The following FRMD3 variants were observed in gnomAD, a reference collection of about 807,000 sequenced individuals.
The protein encoded by FRMD3 is FERM domain-containing protein 3.
FRMD3 carries 33 observed loss-of-function variants against 70.2 expected under a neutral mutation model. The ratio of observed to expected loss-of-function variants is 0.47; its 90% CI spans 0.36 to 0.63. The LOEUF (loss-of-function observed/expected upper bound fraction) is 0.63, where lower values mean the gene tolerates loss of function less well. FRMD3 is among the 20% of genes least tolerant of loss of function. FRMD3 has a pLI of 0.00. For synonymous variants in FRMD3, 279 were observed against 255.9 expected, an observed-to-expected ratio of 1.09 and a Z score of -0.86; for missense variants, 632 against 711.4, an observed-to-expected ratio of 0.89 and a Z score of 1.27.
chr9:83,333,696 C>T (rs532749057), intron 6 of FRMD3, among the ~76,000 whole-genome samples: 17 of 152,290 alleles, frequency 1.1e-4, no homozygotes, highest in Middle Eastern at 3.4e-3. Context: ...CCTCAGGCAC[C>T]GCTGACATGG....
At chr9:83,266,962 A>C (rs1833286415) in intron 13 of FRMD3, 1 of 1,523,876 alleles carries the variant, frequency 6.6e-7, no homozygotes, top group Admixed American at 2.0e-5. Context: ...AGGAAGCTGG[A>C]AGCCCGCACA....
intron 10 of FRMD3, among the ~76,000 whole-genome samples, chr9:83,303,117 C>A (rs1227755451): frequency 6.6e-6 from 1 of 152,194 alleles, no homozygotes; most frequent in Non-Finnish European, 1.5e-5. Flanking sequence ...CAAGAGGCCA[C>A]CTCTAGAATT....
intron 3 of FRMD3, among the ~76,000 whole-genome samples, chr9:83,354,365 G>C (rs1824267142): frequency 6.6e-6 from 1 of 152,226 alleles, no homozygotes; most frequent in Admixed American, 6.5e-5. Flanking sequence ...CATGAATGTA[G>C]CTGGAAGCCA....
At chr9:83,342,053 C>CTCTCTCTCTCTCTCTT (rs1823776550) in intron 5 of FRMD3, among the ~76,000 whole-genome samples, 1 of 151,360 alleles carries the variant, frequency 6.6e-6, no homozygotes, top group Admixed American at 6.6e-5. Flanking sequence ...ATCTCTCTCT[C>CTCTCTCTCTCTCTCTT]TCTCTCTCTC....
At chr9:83,285,148 T>G (rs534288870) in intron 13 of FRMD3, among the ~76,000 whole-genome samples, 1 of 152,212 alleles carries the variant, frequency 6.6e-6, no homozygotes, top group South Asian at 2.1e-4. Context: ...GGCAAGACAC[T>G]GTAAGCAACC....
chr9:83,416,800 T>TCG (rs1461196324), intron 1 of FRMD3, among the ~76,000 whole-genome samples: 2 of 149,416 alleles, frequency 1.3e-5, no homozygotes, highest in African/African-American at 4.9e-5. Flanking sequence ...TCTCTCTCTC[T>TCG]CTTACTCTTT....
intron 13 of FRMD3, among the ~76,000 whole-genome samples, chr9:83,265,423 C>A: frequency 7.1e-6 from 1 of 141,316 alleles, no homozygotes; most frequent in African/African-American, 2.6e-5. Flanking sequence ...AAAAAAAGTG[C>A]CTGTGTCATA....
intron 2 of FRMD3, among the ~76,000 whole-genome samples, chr9:83,381,273 C>T (rs1325721444): frequency 1.3e-5 from 2 of 152,064 alleles, no homozygotes; most frequent in Non-Finnish European, 2.9e-5. Flanking sequence ...TAAGAAAATC[C>T]GCTGGGCACA....
intron 1 of FRMD3, among the ~76,000 whole-genome samples, chr9:83,450,347 GTT>G (rs763340189): frequency 0.28 from 31,410 of 111,266 alleles, 3,216 homozygotes; most frequent in East Asian, 0.41. Context: ...GTCACCCTCA[GTT>G]TTTTTTTTTT....
intron 13 of FRMD3, among the ~76,000 whole-genome samples, chr9:83,272,455 A>G (rs1238984121): frequency 6.6e-6 from 1 of 151,852 alleles, no homozygotes; most frequent in African/African-American, 2.4e-5. Context: ...CCCGCTCGCT[A>G]CAACCTCCAC....
At chr9:83,249,935 C>A (rs1832319328) in intron 13 of FRMD3, among the ~76,000 whole-genome samples, 1 of 152,124 alleles carries the variant, frequency 6.6e-6, no homozygotes, top group South Asian at 2.1e-4. Context: ...GATGACCCAG[C>A]AATACCACTC....
At chr9:83,579,738 G>C in the FRMD3 span, among the ~76,000 whole-genome samples, 28,498 of 151,984 alleles carry the variant, frequency 0.19, 3,805 homozygotes, top group African/African-American at 0.38. Flanking sequence ...ATGGTTTTTT[G>C]GATATGGCCC....
intron 12 of FRMD3, among the ~76,000 whole-genome samples, chr9:83,292,161 CTT>C (rs11462258): frequency 2.8e-5 from 4 of 141,150 alleles, no homozygotes; most frequent in Admixed American, 7.0e-5. Flanking sequence ...TTAATAAATA[CTT>C]TTTTTTTTTT....
the FRMD3 span, among the ~76,000 whole-genome samples, chr9:83,577,822 GA>G: frequency 2.6e-5 from 4 of 151,514 alleles, no homozygotes; most frequent in African/African-American, 4.8e-5. Flanking sequence ...CTGAAGGAAG[GA>G]AATAACAAAG....
Position 83,313,684 on chromosome 9 carries a change from G to A in FRMD3, c.660C>T (p.Tyr220=), listed in dbSNP as rs184198571. Residue 220 remains tyrosine, a synonymous_variant, in exon 7 of 14, where the codon TAC becomes TAT. Transcript: ENST00000304195. ...CCTTGCATGGGTGAGGATCCACCCCGTAGGTTTCCAAAGTGTGAGCTTTCA... is the reference window on the plus strand; with the variant it reads ...CCTTGCATGGGTGAGGATCCACCCCATAGGTTTCCAAAGTGTGAGCTTTCA... The part of the protein sequence containing the change: ...LLLKAHTLET[Y]GVDPHPCKDS... 2.5e-5 allele frequency: 41 copies of A among 1,613,982 alleles called. No individual in the cohort carries two copies. Among genetic ancestry groups the A allele is most frequent in the African/African-American group, 9.3e-5 (7 of 75,066 alleles).
At chr9:83,421,735 G>T (rs1826649564) in intron 1 of FRMD3, among the ~76,000 whole-genome samples, 1 of 152,174 alleles carries the variant, frequency 6.6e-6, no homozygotes, top group South Asian at 2.1e-4. Context: ...TTGATACAAA[G>T]TTATTTCCCA....
chr9:83,393,762 G>A (rs1453416536), intron 1 of FRMD3, among the ~76,000 whole-genome samples: 1 of 152,064 alleles, frequency 6.6e-6, no homozygotes, highest in Non-Finnish European at 1.5e-5. Flanking sequence ...GTAGTACTGC[G>A]AGGGATGGGG....
intron 1 of FRMD3, among the ~76,000 whole-genome samples, chr9:83,452,173 C>T (rs1029246498): frequency 1.2e-4 from 19 of 152,128 alleles, no homozygotes; most frequent in East Asian, 3.9e-4. Flanking sequence ...ATCTTTGATG[C>T]GGTAGACGCT....
the FRMD3 span, among the ~76,000 whole-genome samples, chr9:83,585,463 G>A: frequency 1.3e-5 from 2 of 152,162 alleles, no homozygotes; most frequent in African/African-American, 4.8e-5. Context: ...CCTATAAAGA[G>A]TGCATTTCCC....
Sources: allele counts gnomAD v4.1 joint callset (sites outside exome capture counted in the v4.1 genomes callset), GRCh38; gene constraint gnomAD v4.1.1; transcripts MANE v1.5; gene names NCBI Gene and HGNC (gene_info 2026-07-23, HGNC 2026-07-21).